The following CDH18 variants were observed in gnomAD, a reference collection of about 807,000 sequenced individuals.
CDH18 encodes cadherin 18.
Under a neutral mutation model 67.9 loss-of-function variants are expected in CDH18, and 31 were observed. The observed-to-expected ratio is 0.46, with a 90% CI of 0.34 to 0.62. The LOEUF is 0.62. Ranked by LOEUF, CDH18 falls within the 20% of genes least tolerant of loss-of-function variation. The pLI, the probability that CDH18 is intolerant of heterozygous loss-of-function variation, is 0.01. For synonymous variants in CDH18, 362 were observed against 347.2 expected (o/e 1.04, Z -0.48); for missense variants, 890 against 975.5 (o/e 0.91, Z 1.17).
intron 2 of CDH18, among the ~76,000 whole-genome samples, chr5:20,106,567 A>G (rs1249730395): frequency 6.6e-6 from 1 of 152,222 alleles, no homozygotes; most frequent in East Asian, 1.9e-4. Flanking sequence ...ATTTGGAATA[A>G]TTATGATATA....
intron 1 of CDH18, among the ~76,000 whole-genome samples, chr5:20,365,962 T>A (rs1375775510): frequency 6.6e-6 from 1 of 151,394 alleles, no homozygotes; most frequent in Non-Finnish European, 1.5e-5. Flanking sequence ...AAATAACAAG[T>A]TGCTTAATAT....
At chr5:20,349,467 T>C (rs1388105956) in intron 1 of CDH18, among the ~76,000 whole-genome samples, 1 of 152,106 alleles carries the variant, frequency 6.6e-6, no homozygotes, top group Non-Finnish European at 1.5e-5. Context: ...ACATGGAAAA[T>C]CTTTTCATCT....
chr5:20,564,260 T>TTTTATTTATTTA (rs3039398), intron 1 of CDH18, among the ~76,000 whole-genome samples: 26,031 of 141,444 alleles, frequency 0.18, 2,688 homozygotes, highest in Admixed American at 0.27. Context: ...ATTATCACAG[T>TTTTATTTATTTA]TTTATTTATT....
intron 3 of CDH18, among the ~76,000 whole-genome samples, chr5:19,832,195 C>A (rs1388861558): frequency 6.6e-6 from 1 of 152,064 alleles, no homozygotes; most frequent in Non-Finnish European, 1.5e-5. Flanking sequence ...ACACCCCAAA[C>A]CTCAGCATCG....
chr5:19,902,098 T>C (rs990821991), intron 2 of CDH18, among the ~76,000 whole-genome samples: 4 of 152,168 alleles, frequency 2.6e-5, no homozygotes, highest in Non-Finnish European at 5.9e-5. Context: ...CTGACGTCAA[T>C]TTTAACATAT....
chr5:19,724,739 T>C (rs1441229035), intron 4 of CDH18, among the ~76,000 whole-genome samples: 2 of 152,172 alleles, frequency 1.3e-5, no homozygotes, highest in Non-Finnish European at 2.9e-5. Flanking sequence ...GATGCGTTCT[T>C]GCCTCTGTGC....
At chr5:20,282,080 C>T (rs1181509376) in intron 1 of CDH18, among the ~76,000 whole-genome samples, 1 of 152,096 alleles carries the variant, frequency 6.6e-6, no homozygotes, top group Non-Finnish European at 1.5e-5. Context: ...TGAGACTTTG[C>T]TGAAGTTGCT....
chr5:20,036,555 A>T (rs1273420214), intron 2 of CDH18, among the ~76,000 whole-genome samples: 3 of 152,192 alleles, frequency 2.0e-5, no homozygotes, highest in Non-Finnish European at 2.9e-5. Flanking sequence ...AAAAATGCAC[A>T]CAAGCAACGT....
intron 2 of CDH18, among the ~76,000 whole-genome samples, chr5:19,864,276 G>C (rs1785220817): frequency 6.7e-6 from 1 of 150,370 alleles, no homozygotes; most frequent in Non-Finnish European, 1.5e-5. Flanking sequence ...ACTATCACAA[G>C]GACAAAAAAC....
chr5:19,630,475 GGT>G (rs143309350), intron 5 of CDH18, among the ~76,000 whole-genome samples: 24 of 149,924 alleles, frequency 1.6e-4, no homozygotes, highest in Non-Finnish European at 2.1e-4. Flanking sequence ...GATCCATTGG[GGT>G]GTGTGTGTGT....
chr5:20,023,582 C>A (rs1241349675), intron 2 of CDH18, among the ~76,000 whole-genome samples: 4 of 151,016 alleles, frequency 2.6e-5, no homozygotes, highest in Non-Finnish European at 4.4e-5. Context: ...TGGCGTGAAC[C>A]CGGGAGGCGG....
rs554603476 is a variant in CDH18 at position 20,555,212 on chromosome 5, C to T, written c.-580+20250G>A. On this transcript the variant is annotated intron_variant, in intron 1 of 14. Transcript: ENST00000507958. ...AAAAGAGTTAAGTCATGGGAGCATGCATTGAGAAGACAGCCATCTACCGGC... is the reference window on the plus strand; with the variant it reads ...AAAAGAGTTAAGTCATGGGAGCATGTATTGAGAAGACAGCCATCTACCGGC... Among the ~76,000 whole-genome samples, 12 of 152,164 alleles carry T rather than the reference C, an allele frequency of 7.9e-5. No individual in the cohort carries two copies. In the South Asian group the frequency reaches 2.5e-3, roughly 32 times the overall value.
chr5:19,769,224 A>T (rs192925273), intron 3 of CDH18, among the ~76,000 whole-genome samples: 3 of 152,238 alleles, frequency 2.0e-5, no homozygotes, highest in African/African-American at 7.2e-5. Context: ...AACCTCAAGT[A>T]GCATAAACTA....
At chr5:20,164,564 C>T (rs922347370) in intron 2 of CDH18, among the ~76,000 whole-genome samples, 4 of 152,042 alleles carry the variant, frequency 2.6e-5, no homozygotes, top group East Asian at 1.9e-4. Context: ...TGTGAGCCAT[C>T]GCACCCAGCC....
chr5:19,694,785 T>G (rs1762335296), intron 5 of CDH18, among the ~76,000 whole-genome samples: 1 of 150,228 alleles, frequency 6.7e-6, no homozygotes, highest in African/African-American at 2.5e-5. Flanking sequence ...GTTGAATAAA[T>G]GAACAACAAG....
Position 19,811,140 on chromosome 5 carries a change from AAGAAAGAAAGAAAGAAAGAAGGAG to A in CDH18, c.228+27595_228+27618del, listed in dbSNP as rs1433636089. ...AAAGAAAGAAAGAAAGAAAGAAAGAAAGAAAGAAAGAAAGAAAGAAGGAGAGAAAGAAAGAGAAGAAAGAGGGAG... is the reference window on the plus strand; with the variant it reads ...AAAGAAAGAAAGAAAGAAAGAAAGAAAGAAAGAAAGAGAAGAAAGAGGGAG... On this transcript the variant is annotated intron_variant, in intron 3 of 12. Transcript: ENST00000382275. 2.6e-4 allele frequency among the ~76,000 whole-genome samples: 31 copies of A among 119,838 alleles called. 3 individuals carry two copies. The highest frequency in any genetic ancestry group is 1.1e-3 in the South Asian group (4 of 3,740). 78.6% of individuals were successfully genotyped at this position (119,838 alleles called of 152,430 possible).
chr5:19,747,758 G>GA (rs35896977), intron 3 of CDH18, among the ~76,000 whole-genome samples: 213 of 151,238 alleles, frequency 1.4e-3, no homozygotes, highest in African/African-American at 4.9e-3. Context: ...TTAATAATTT[G>GA]AAAAAAAAAT....
At chr5:20,341,650 C>T (rs905893414) in intron 1 of CDH18, among the ~76,000 whole-genome samples, 1 of 151,420 alleles carries the variant, frequency 6.6e-6, no homozygotes, top group African/African-American at 2.4e-5. Flanking sequence ...ATTTTGGTAC[C>T]AGGAGTGGTT....
chr5:20,146,066 T>C (rs890161316), intron 2 of CDH18, among the ~76,000 whole-genome samples: 60 of 152,094 alleles, frequency 3.9e-4, no homozygotes, highest in African/African-American at 1.3e-3. Flanking sequence ...CTCATTCTCA[T>C]CTTAGGGCAT....
Sources: gnomAD v4.1 joint callset for allele counts (sites outside exome capture counted in the v4.1 genomes callset) on GRCh38, gnomAD v4.1.1 for gene constraint, MANE v1.5 for transcripts, NCBI Gene and HGNC (gene_info 2026-07-23, HGNC 2026-07-21) for gene names.